Variants in ADAMTSL3 observed in about 807,000 individuals in gnomAD.
The protein encoded by ADAMTSL3 is ADAMTS like 3, also known as ADAMTS-like protein 3.
In ADAMTSL3, 128 loss-of-function variants were observed where a neutral mutation model predicts 201.7. The ratio of observed to expected loss-of-function variants is 0.63; its 90% CI spans 0.55 to 0.73. The LOEUF is 0.73. ADAMTSL3 is among the 30% of genes least tolerant of loss of function. The pLI is 0.00. For missense variants in ADAMTSL3, 1,990 were observed against 2,119.6 expected (o/e 0.94, Z 1.20); for synonymous variants, 738 against 748.4 (o/e 0.99, Z 0.23).
rs1234393833 is a variant in ADAMTSL3 at position 83,982,618 on chromosome 15, G to T, written c.2990G>T (p.Gly997Val). The T allele has an allele frequency of 6.2e-7, 1 of 1,614,178 alleles. No homozygotes were observed. Among genetic ancestry groups the T allele is most frequent in the South Asian group, 1.1e-5 (1 of 91,084 alleles). ...AQETVVLKLI[G>V]TDNRLIARPA... Reference sequence around the variant, plus strand: ...GAAACAGTTGTGCTCAAGCTCATTGGTACTGACAACCGGCTCATCGCACGC... The same window carrying T: ...GAAACAGTTGTGCTCAAGCTCATTGTTACTGACAACCGGCTCATCGCACGC... Residue 997 changes from glycine to valine, a missense_variant, in exon 21 of 30, where the codon GGT becomes GTT. Coordinates refer to ENST00000286744, the MANE Select transcript of ADAMTSL3 (RefSeq NM_207517.3).
chr15:83,863,340 C>G (rs1362662270), intron 8 of ADAMTSL3, among the ~76,000 whole-genome samples: 1 of 150,906 alleles, frequency 6.6e-6, no homozygotes, highest in African/African-American at 2.4e-5. Context: ...CCACACCACA[C>G]CCAAAACTGA....
At chr15:83,991,363 G>A (rs2067579583) in intron 23 of ADAMTSL3, 149 bp downstream of exon 23, 1 of 1,184,058 alleles carries the variant, frequency 8.4e-7, no homozygotes, top group East Asian at 2.4e-5. Context: ...CACTGACAGT[G>A]GATCTAACTC....
At chr15:83,819,738 G>T (rs1190147004) in intron 5 of ADAMTSL3, 73 bp from the exon 6 acceptor site, 1 of 1,217,004 alleles carries the variant, frequency 8.2e-7, no homozygotes. Flanking sequence ...TGAGATTCTG[G>T]TGAACTTATT....
chr15:83,694,841 A>T (rs921355605), intron 2 of ADAMTSL3, among the ~76,000 whole-genome samples: 13 of 152,220 alleles, frequency 8.5e-5, no homozygotes, highest in African/African-American at 3.1e-4. Context: ...AAGGTCTTCC[A>T]TGTATAAAGC....
intron 8 of ADAMTSL3, among the ~76,000 whole-genome samples, chr15:83,867,048 A>C (rs1219096212): frequency 6.6e-6 from 1 of 152,344 alleles, no homozygotes; most frequent in East Asian, 1.9e-4. Context: ...CTGAATATCT[A>C]AATATAGAAG....
chr15:83,949,731 T>G (rs1357907539), intron 19 of ADAMTSL3, among the ~76,000 whole-genome samples: 1 of 152,218 alleles, frequency 6.6e-6, no homozygotes, highest in Non-Finnish European at 1.5e-5. Context: ...TATCTCATTG[T>G]AGTTCTGATT....
intron 2 of ADAMTSL3, among the ~76,000 whole-genome samples, chr15:83,665,019 G>A (rs913764851): frequency 2.6e-5 from 4 of 152,082 alleles, no homozygotes; most frequent in African/African-American, 7.2e-5. Context: ...GCACCGTTGC[G>A]ACACCATTGG....
intron 6 of ADAMTSL3, among the ~76,000 whole-genome samples, chr15:83,822,230 T>A: frequency 7.0e-6 from 1 of 142,148 alleles, no homozygotes; most frequent in African/African-American, 2.6e-5. Context: ...CGCTCCTCAC[T>A]TCCCAGACGG....
chr15:83,826,834 A>G (rs1452817234), intron 6 of ADAMTSL3, among the ~76,000 whole-genome samples: 4 of 152,100 alleles, frequency 2.6e-5, no homozygotes, highest in Admixed American at 2.6e-4. Context: ...TACAAAGGAC[A>G]TGAACTCATC....
At position 83,959,372 on chromosome 15, in the gene ADAMTSL3, T is replaced by C. The variant is rs79531330; in HGVS notation, c.2491-11112T>C. 3.4e-4 allele frequency among the ~76,000 whole-genome samples: 52 copies of C among 152,338 alleles called. No homozygotes were observed. In the East Asian group the frequency reaches 9.3e-3, roughly 27 times the overall value. Reference sequence around the variant, plus strand: ...TGAACCCAGGAGGCAGAGTTTGCAATGAGCTGAGATTGTGCCAACAGAGCA... The same window carrying C: ...TGAACCCAGGAGGCAGAGTTTGCAACGAGCTGAGATTGTGCCAACAGAGCA... On this transcript the variant is annotated intron_variant, in intron 19 of 29. Transcript: ENST00000286744.
chr15:83,921,708 C>T (rs560541566), intron 16 of ADAMTSL3, among the ~76,000 whole-genome samples: 1 of 152,232 alleles, frequency 6.6e-6, no homozygotes, highest in South Asian at 2.1e-4. Context: ...TATTTTGAGA[C>T]AGAGTCTTTC....
chr15:84,013,648 C>G (rs892607878), intron 23 of ADAMTSL3, among the ~76,000 whole-genome samples: 4 of 152,246 alleles, frequency 2.6e-5, no homozygotes, highest in African/African-American at 9.6e-5. Context: ...ATGGCTTGCA[C>G]CTGTAGTCCC....
rs114137834 is a variant in ADAMTSL3 at position 83,752,828 on chromosome 15, C to T, written c.190-20695C>T. Among the ~76,000 whole-genome samples the T allele has an allele frequency of 4.1e-3, 629 of 152,296 alleles. 2 individuals carry two copies. The highest frequency in any genetic ancestry group is 0.014 in the African/African-American group (596 of 41,560). On this transcript the variant is annotated intron_variant, in intron 3 of 29. Coordinates refer to ENST00000286744, the MANE Select transcript of ADAMTSL3 (RefSeq NM_207517.3). ...ACTGAAGTTTACACAAACATTTCTT[C>T]TCTTTTCCTCTGCCAAAATTATAGA...
Position 83,917,423 on chromosome 15 carries a change from G to GTATA in ADAMTSL3, c.1987+4048_1987+4049insATAT, listed in dbSNP as rs879853348. Reference sequence around the variant, plus strand: ...TCTCCAGCTTCCAAAGTGTGTGTATGTATGTATGTATGTATGTATGTATGT... The same window carrying GTATA: ...TCTCCAGCTTCCAAAGTGTGTGTATGTATATATGTATGTATGTATGTATGTATGT... On this transcript the variant is annotated intron_variant, in intron 16 of 29. Coordinates refer to ENST00000286744, the MANE Select transcript of ADAMTSL3 (RefSeq NM_207517.3). 1.1e-3 allele frequency among the ~76,000 whole-genome samples: 170 copies of GTATA among 151,416 alleles called. 1 individual carries two copies. In the Middle Eastern group the frequency reaches 0.017, roughly 15 times the overall value.
Position 83,954,771 on chromosome 15 carries a change from C to T in ADAMTSL3, c.2490+11689C>T, listed in dbSNP as rs538854852. On this transcript the variant is annotated intron_variant, in intron 19 of 29. Coordinates refer to ENST00000286744, the MANE Select transcript of ADAMTSL3 (RefSeq NM_207517.3). ...CTTGGATAAGATCCAGAAGCATTCT[C>T]TGGATTACCAGGAAGAGACTCTTGT... 9.2e-5 allele frequency among the ~76,000 whole-genome samples: 14 copies of T among 152,338 alleles called. No homozygotes were observed. In the South Asian group the frequency reaches 2.9e-3, roughly 32 times the overall value.
chr15:83,874,081 C>T lies in ADAMTSL3; in HGVS notation c.960+3122C>T, dbSNP rs769674068. On this transcript the variant is annotated intron_variant, in intron 9 of 29. Coordinates refer to ENST00000286744, the MANE Select transcript of ADAMTSL3 (RefSeq NM_207517.3). ...TCCTTTCTCCAGTAAGGCTGCACCT[C>T]GGTCTAGTGTCCTCAGGAGGATGTG... Among the ~76,000 whole-genome samples, 3 of 144,968 alleles carry T rather than the reference C, an allele frequency of 2.1e-5. 1 individual carries two copies. Among genetic ancestry groups the T allele is most frequent in the Admixed American group, 6.7e-5 (1 of 14,848 alleles).
At chr15:83,801,255 C>T (rs779069740) in intron 4 of ADAMTSL3, among the ~76,000 whole-genome samples, 5 of 152,044 alleles carry the variant, frequency 3.3e-5, no homozygotes, top group Non-Finnish European at 4.4e-5. Flanking sequence ...TACCTAAATA[C>T]GATTTAACTA....
At chr15:83,990,333 C>T (rs1026355496) in intron 22 of ADAMTSL3, among the ~76,000 whole-genome samples, 2 of 152,108 alleles carry the variant, frequency 1.3e-5, no homozygotes, top group African/African-American at 4.8e-5. Flanking sequence ...GGCTGTGGCA[C>T]CATATTCAGA....
intron 27 of ADAMTSL3, among the ~76,000 whole-genome samples, chr15:84,029,342 T>C (rs1387046103): frequency 1.3e-5 from 2 of 152,172 alleles, no homozygotes; most frequent in African/African-American, 2.4e-5. Context: ...AGGAACTTCT[T>C]GGGAACTAGA....
Sources: gnomAD v4.1 joint callset for allele counts (sites outside exome capture counted in the v4.1 genomes callset) on GRCh38, gnomAD v4.1.1 for gene constraint, MANE v1.5 for transcripts, NCBI Gene and HGNC (gene_info 2026-07-23, HGNC 2026-07-21) for gene names.